The following MAP4 variants were observed in gnomAD, a reference collection of about 807,000 sequenced individuals.
The protein encoded by MAP4 is microtubule-associated protein 4.
In MAP4, 76 loss-of-function variants were observed where a neutral mutation model predicts 170.2. The ratio of observed to expected loss-of-function variants is 0.45; its 90% CI spans 0.37 to 0.54. The LOEUF is 0.54. Among genes scored for constraint, MAP4 ranks in the 20% least tolerant of loss-of-function variants. The pLI is 0.00. For synonymous variants in MAP4, 909 were observed against 994.5 expected, an observed-to-expected ratio of 0.91 and a Z score of 1.62; for missense variants, 2,506 against 2,748.0, an observed-to-expected ratio of 0.91 and a Z score of 1.97.
intron 6 of MAP4, among the ~76,000 whole-genome samples, chr3:47,917,523 T>C (rs1009564605): frequency 1.3e-5 from 2 of 150,906 alleles, no homozygotes; most frequent in East Asian, 3.9e-4. Context: ...GAGGCGGAGT[T>C]TGCAATGAAC....
At chr3:47,876,649 C>G (rs2152454769) in intron 11 of MAP4, among the ~76,000 whole-genome samples, 1 of 152,180 alleles carries the variant, frequency 6.6e-6, no homozygotes, top group South Asian at 2.1e-4. Flanking sequence ...CTACCTGTAT[C>G]TTGATGGGAC....
At chr3:48,039,323 C>G (rs1642370519) in intron 1 of MAP4, 1 of 152,768 alleles carries the variant, frequency 6.5e-6, no homozygotes, top group Non-Finnish European at 1.5e-5. Context: ...ACAAGAAGTG[C>G]CTGGTGCAGA....
intron 7 of MAP4, among the ~76,000 whole-genome samples, chr3:47,915,180 G>A (rs1043648187): frequency 4.6e-5 from 7 of 151,220 alleles, no homozygotes; most frequent in Non-Finnish European, 7.4e-5. Context: ...GCAATGGTGC[G>A]ATCTCGGCTC....
chr3:48,060,455 T>G lies in MAP4; in HGVS notation c.-20+28318A>C, dbSNP rs531650763. On this transcript the variant is annotated intron_variant, in intron 1 of 18. Coordinates refer to the MAP4 transcript ENST00000360240. Reference sequence around the variant, plus strand: ...GACCTAGGGTTTGGCAATGACTTCTTAGATACAACCCCAAAAACATGATGT... The same window carrying G: ...GACCTAGGGTTTGGCAATGACTTCTGAGATACAACCCCAAAAACATGATGT... 3.9e-5 allele frequency among the ~76,000 whole-genome samples: 6 copies of G among 152,292 alleles called. No homozygotes were observed. In the East Asian group the frequency reaches 1.2e-3, roughly 29 times the overall value.
At chr3:47,902,708 GT>G (rs2100030794) in intron 10 of MAP4, among the ~76,000 whole-genome samples, 1 of 144,002 alleles carries the variant, frequency 6.9e-6, no homozygotes, top group Non-Finnish European at 1.5e-5. Context: ...AAAGAAGCCA[GT>G]TGAATCAGAG....
At chr3:47,877,353 A>G in intron 11 of MAP4, 64 bp downstream of exon 11, 1 of 1,219,600 alleles carries the variant, frequency 8.2e-7, no homozygotes, top group Non-Finnish European at 1.2e-6. Context: ...TCAAGCAATA[A>G]CAGCAGAAGA....
At chr3:47,925,995 C>T (rs2100045689) in intron 4 of MAP4, among the ~76,000 whole-genome samples, 1 of 151,510 alleles carries the variant, frequency 6.6e-6, no homozygotes, top group Non-Finnish European at 1.5e-5. Context: ...GCTGGAATTA[C>T]AGGCGTGCAC....
intron 16 of MAP4, among the ~76,000 whole-genome samples, chr3:47,868,077 C>A (rs539009216): frequency 6.6e-6 from 1 of 152,122 alleles, no homozygotes; most frequent in Non-Finnish European, 1.5e-5. Context: ...GATGCCCATG[C>A]GGAAAGAACA....
At chr3:48,063,908 ATAT>A (rs749371272) in intron 1 of MAP4, among the ~76,000 whole-genome samples, 2 of 152,188 alleles carry the variant, frequency 1.3e-5, no homozygotes, top group Non-Finnish European at 2.9e-5. Context: ...TTCCATATAC[ATAT>A]TATTATGAAA....
At chr3:48,077,634 C>G (rs2100144637) in intron 1 of MAP4, among the ~76,000 whole-genome samples, 1 of 151,992 alleles carries the variant, frequency 6.6e-6, no homozygotes. Flanking sequence ...GCCACCACGC[C>G]TGGCGATAAA....
In MAP4 at chr3:47,855,467, G is replaced by A; in HGVS notation, c.6584-107C>T. On this transcript the variant is annotated intron_variant, in intron 18 of 20. Coordinates refer to ENST00000683076, the MANE Select transcript of MAP4 (RefSeq NM_001385682.1). The surrounding 1 kb of genome is among the most constrained non-coding windows in gnomAD (Gnocchi z 5.1). ...TCTAGAAATGAGACAGACGTGACCTGTTCTGGGTGGCAAATGAAGAACAGT... is the reference window on the plus strand; with the variant it reads ...TCTAGAAATGAGACAGACGTGACCTATTCTGGGTGGCAAATGAAGAACAGT... 1 of 728,886 alleles carries A rather than the reference G, an allele frequency of 1.4e-6. No individual in the cohort carries two copies. The highest frequency in any genetic ancestry group is 2.5e-6 in the Non-Finnish European group (1 of 399,138). The allele number at this position is 728,886 out of a possible 1,614,324, so 45.2% of individuals were successfully genotyped here.
intron 3 of MAP4, among the ~76,000 whole-genome samples, chr3:47,930,505 C>A (rs1360321249): frequency 6.6e-6 from 1 of 150,936 alleles, no homozygotes; most frequent in Non-Finnish European, 1.5e-5. Flanking sequence ...AACAAAGGTA[C>A]TATTAAAGAA....
intron 3 of MAP4, among the ~76,000 whole-genome samples, chr3:47,951,792 C>T (rs1484781191): frequency 7.9e-5 from 12 of 152,014 alleles, no homozygotes; most frequent in Admixed American, 3.3e-4. Context: ...AAGTGAGGAG[C>T]GTCTCTGCCT....
At chr3:48,078,788 T>C (rs1344103153) in intron 1 of MAP4, among the ~76,000 whole-genome samples, 1 of 152,156 alleles carries the variant, frequency 6.6e-6, no homozygotes. Context: ...CTGAGAGCTC[T>C]CCAGAGTCCT....
chr3:47,891,927 G>C, intron 10 of MAP4: 1 of 1,536,166 alleles, frequency 6.5e-7, no homozygotes, highest in South Asian at 1.2e-5. Flanking sequence ...GCCACTGGAT[G>C]AAAGCTGGGG....
At position 48,088,213 on chromosome 3, in the gene MAP4, C is replaced by T. The variant is rs561891777; in HGVS notation, c.-20+560G>A. Among the ~76,000 whole-genome samples the T allele has an allele frequency of 3.3e-5, 5 of 151,308 alleles. No homozygotes were observed. In the South Asian group the frequency reaches 1.1e-3, roughly 32 times the overall value. ...ATGTGACCCTTTCGCACTCCCACTG[C>T]CAGACACACGCTTTAGTCCCCACAC... On this transcript the variant is annotated intron_variant, in intron 1 of 18. Transcript: ENST00000360240.
chr3:48,075,970 A>G lies in MAP4; in HGVS notation c.-20+12803T>C, dbSNP rs373164706. On this transcript the variant is annotated intron_variant, in intron 1 of 18. Coordinates refer to the MAP4 transcript ENST00000360240. ...AGCCTGGGCGACAGAGTGAAACTCCATCTCAAAAAAAAAAAAAAAAAAGAA... is the reference window on the plus strand; with the variant it reads ...AGCCTGGGCGACAGAGTGAAACTCCGTCTCAAAAAAAAAAAAAAAAAAGAA... Among the ~76,000 whole-genome samples the G allele has an allele frequency of 3.5e-3, 503 of 143,924 alleles. 5 individuals carry two copies. The highest frequency in any genetic ancestry group is 0.012 in the African/African-American group (484 of 39,098). 94.4% of individuals were successfully genotyped at this position (143,924 alleles called of 152,430 possible). A position where few individuals can be genotyped will look rare whatever the true frequency, so the allele number is the denominator to read the frequency against.
At chr3:47,871,540 C>T (rs1169398433) in intron 13 of MAP4, among the ~76,000 whole-genome samples, 1 of 152,086 alleles carries the variant, frequency 6.6e-6, no homozygotes, top group Non-Finnish European at 1.5e-5. Flanking sequence ...TTGAATAGCC[C>T]TCTTCTTATC....
At chr3:48,082,026 TG>T (rs1452527581) in intron 1 of MAP4, among the ~76,000 whole-genome samples, 5 of 152,054 alleles carry the variant, frequency 3.3e-5, no homozygotes, top group Non-Finnish European at 7.4e-5. Context: ...TGGCCAAAGC[TG>T]GAACAACTTG....
Sources: gnomAD v4.1 joint callset for allele counts (sites outside exome capture counted in the v4.1 genomes callset) on GRCh38, gnomAD v4.1.1 for gene constraint, Gnocchi (gnomAD v3.1) non-coding constraint, MANE v1.5 for transcripts, NCBI Gene and HGNC (gene_info 2026-07-23, HGNC 2026-07-21) for gene names.